The following DIP2C variants were observed in gnomAD, a reference collection of about 807,000 sequenced individuals.
DIP2C encodes disco-interacting protein 2 homolog C.
In DIP2C, 33 loss-of-function variants were observed where a neutral mutation model predicts 192.4. The ratio of observed to expected loss-of-function variants is 0.17; its 90% CI spans 0.13 to 0.23. The LOEUF is 0.23. DIP2C is among the 10% of genes least tolerant of loss of function. The pLI is 1.00. For missense variants in DIP2C, 1,537 were observed against 2,110.1 expected, an observed-to-expected ratio of 0.73 and a Z score of 5.32; for synonymous variants, 979 against 864.1, an observed-to-expected ratio of 1.13 and a Z score of -2.33.
In DIP2C at chr10:345,058, C is replaced by A. The variant is rs1265926048; in HGVS notation, c.3284G>T (p.Arg1095Leu). The change falls in exon 27 of 37, where the codon CGG becomes CTG. Residue 1095 changes from arginine to leucine, a missense_variant. By Grantham distance (102) the Arg-to-Leu change is moderately radical. Transcript: ENST00000280886. ...MTTQLICKLLRSREAAAAVDV... is the reference protein window; with the variant it reads ...MTTQLICKLLLSREAAAAVDV... ...CACAGCCGCCGCCGCCTCCCTGGAC[C>A]GCAGCAACTTACAGATCAGCTGTGT... The A allele has an allele frequency of 1.3e-5, 21 of 1,613,530 alleles. No homozygotes were observed. The highest frequency in any genetic ancestry group is 1.6e-5 in the Non-Finnish European group (19 of 1,179,962).
intron 3 of DIP2C, among the ~76,000 whole-genome samples, chr10:446,502 T>C (rs1002606833): frequency 6.6e-6 from 1 of 152,260 alleles, no homozygotes; most frequent in East Asian, 1.9e-4. Context: ...CCTAAAATTT[T>C]CTAAATAAGG....
chr10:575,730 AG>A (rs1194835325), intron 1 of DIP2C, among the ~76,000 whole-genome samples: 1 of 152,226 alleles, frequency 6.6e-6, no homozygotes, highest in Non-Finnish European at 1.5e-5. Context: ...TAGGGAGGGC[AG>A]GGCAAGCTAC....
At chr10:493,442 T>C (rs1024166861) in intron 1 of DIP2C, among the ~76,000 whole-genome samples, 4 of 152,134 alleles carry the variant, frequency 2.6e-5, no homozygotes, top group Non-Finnish European at 4.4e-5. Context: ...TTACATTTTT[T>C]GGTGTTGGGG....
At position 536,377 on chromosome 10, in the gene DIP2C, G is replaced by A. The variant is rs551992816; in HGVS notation, c.86-49847C>T. On this transcript the variant is annotated intron_variant, in intron 1 of 36. Transcript: ENST00000280886. Reference sequence around the variant, plus strand: ...CCCTGTTCCCCATAGGGACATCACAGTCCCGGGGGCTAGAGTTGTATCTAT... The same window carrying A: ...CCCTGTTCCCCATAGGGACATCACAATCCCGGGGGCTAGAGTTGTATCTAT... 5.3e-5 allele frequency among the ~76,000 whole-genome samples: 8 copies of A among 151,260 alleles called. No individual in the cohort carries two copies. In the East Asian group the frequency reaches 1.5e-3, roughly 29 times the overall value.
rs374923846 is a variant in DIP2C, at chr10:327,096, C to T, written c.3834G>A (p.Ser1278=). ...EERPRIALTQ[S]FSKLFKDLGL... ...CCAGGTCCTTAAACAGCTTTGAGAACGACTGTGTGAGTGCGATCCGAGGCC... is the reference window on the plus strand; with the variant it reads ...CCAGGTCCTTAAACAGCTTTGAGAATGACTGTGTGAGTGCGATCCGAGGCC... The change falls in exon 31 of 37, where the codon TCG becomes TCA. Residue 1278 remains serine (S), a synonymous_variant. Transcript: ENST00000280886. 79 of 1,614,034 alleles carry T rather than the reference C, an allele frequency of 4.9e-5. No homozygotes were observed. Among genetic ancestry groups the T allele is most frequent in the Non-Finnish European group, 6.1e-5 (72 of 1,180,030 alleles).
chr10:675,275 G>A (rs1407275545), intron 1 of DIP2C, among the ~76,000 whole-genome samples: 7 of 151,874 alleles, frequency 4.6e-5, no homozygotes, highest in Admixed American at 2.6e-4. Flanking sequence ...CACAGCCTAC[G>A]GTATAGAGCA....
chr10:491,745 T>C (rs1189476162), intron 1 of DIP2C, among the ~76,000 whole-genome samples: 2 of 152,150 alleles, frequency 1.3e-5, no homozygotes, highest in African/African-American at 4.8e-5. Context: ...CACAAGAAAA[T>C]CTTTAAAAAA....
intron 22 of DIP2C, among the ~76,000 whole-genome samples, chr10:362,116 G>T (rs372583224): frequency 3.3e-5 from 5 of 151,992 alleles, no homozygotes; most frequent in Admixed American, 1.3e-4. Flanking sequence ...TGCAACATAA[G>T]AAAAAAATTA....
At chr10:520,773 G>A (rs1482568529) in intron 1 of DIP2C, among the ~76,000 whole-genome samples, 1 of 152,114 alleles carries the variant, frequency 6.6e-6, no homozygotes, top group East Asian at 1.9e-4. Flanking sequence ...AGACCCCTTG[G>A]GCTTTTTAAC....
intron 1 of DIP2C, among the ~76,000 whole-genome samples, chr10:564,662 CCTT>C (rs1849370667): frequency 6.6e-6 from 1 of 152,150 alleles, no homozygotes; most frequent in African/African-American, 2.4e-5. Context: ...GAAGTTCCCT[CCTT>C]AGCGGATTTC....
At chr10:608,032 C>A (rs1212668996) in intron 1 of DIP2C, among the ~76,000 whole-genome samples, 3 of 151,476 alleles carry the variant, frequency 2.0e-5, no homozygotes, top group African/African-American at 7.3e-5. Context: ...ATGACTTCTC[C>A]ACTAGAATAT....
chr10:530,858 G>GTT (rs1847323941), intron 1 of DIP2C, among the ~76,000 whole-genome samples: 1 of 152,108 alleles, frequency 6.6e-6, no homozygotes, highest in African/African-American at 2.4e-5. Flanking sequence ...CTCCTGTACA[G>GTT]TTTGTTAACC....
chr10:629,434 C>T (rs1254354258), intron 1 of DIP2C, among the ~76,000 whole-genome samples: 1 of 152,194 alleles, frequency 6.6e-6, no homozygotes, highest in African/African-American at 2.4e-5. Flanking sequence ...GTAGATACCC[C>T]AGACCAGCGG....
intron 6 of DIP2C, among the ~76,000 whole-genome samples, chr10:417,793 C>T (rs1183837011): frequency 9.0e-6 from 1 of 110,810 alleles, no homozygotes; most frequent in African/African-American, 4.2e-5. Context: ...CTCGGATAGG[C>T]CTCCCTGTCC....
chr10:316,381 G>C (rs1956774311), intron 31 of DIP2C, among the ~76,000 whole-genome samples: 1 of 152,190 alleles, frequency 6.6e-6, no homozygotes, highest in African/African-American at 2.4e-5. Flanking sequence ...TTCACGGCGA[G>C]AGATCTGCTT....
At chr10:628,893 C>G (rs1039837489) in intron 1 of DIP2C, 2 of 152,448 alleles carry the variant, frequency 1.3e-5, no homozygotes, top group Non-Finnish European at 2.9e-5. Flanking sequence ...CACCCCCAGC[C>G]CCAGGTGAGA....
At chr10:310,210 A>G (rs1335168969) in intron 31 of DIP2C, 118 bp from the exon 32 acceptor site, 1 of 978,486 alleles carries the variant, frequency 1.0e-6, no homozygotes, top group African/African-American at 1.6e-5. Flanking sequence ...ATAAAACTAA[A>G]AACACTTAGA....
At chr10:584,210 T>C (rs1364451785) in intron 1 of DIP2C, among the ~76,000 whole-genome samples, 1 of 152,136 alleles carries the variant, frequency 6.6e-6, no homozygotes, top group Non-Finnish European at 1.5e-5. Flanking sequence ...TATACACCAA[T>C]ACTCCCCTAT....
intron 1 of DIP2C, among the ~76,000 whole-genome samples, chr10:574,165 TAA>T (rs1850000546): frequency 6.6e-6 from 1 of 152,266 alleles, no homozygotes; most frequent in Admixed American, 6.5e-5. Context: ...TTTGCATCGA[TAA>T]AGACATTGCT....
Sources: allele counts gnomAD v4.1 joint callset (sites outside exome capture counted in the v4.1 genomes callset), GRCh38; gene constraint gnomAD v4.1.1; transcripts MANE v1.5; gene names NCBI Gene and HGNC (gene_info 2026-07-23, HGNC 2026-07-21).